The following AGBL4 variants were observed in gnomAD, a reference collection of about 807,000 sequenced individuals.
AGBL4 encodes cytosolic carboxypeptidase 6.
A neutral mutation model predicts 66.4 loss-of-function variants in AGBL4; 58 were observed. The ratio of observed to expected loss-of-function variants is 0.87; its 90% CI spans 0.71 to 1.09. The LOEUF (loss-of-function observed/expected upper bound fraction) is 1.09, where lower values mean the gene tolerates loss of function less well. Among genes scored for constraint, AGBL4 ranks in the 50% least tolerant of loss-of-function variants. The pLI, the probability that AGBL4 is intolerant of heterozygous loss-of-function variation, is 0.00. For synonymous variants in AGBL4, 234 were observed against 222.9 expected (o/e 1.05, Z -0.44); for missense variants, 579 against 631.0 (o/e 0.92, Z 0.88).
intron 4 of AGBL4, among the ~76,000 whole-genome samples, chr1:49,091,123 T>C (rs1352336903): frequency 6.6e-6 from 1 of 151,992 alleles, no homozygotes; most frequent in South Asian, 2.1e-4. Context: ...AAACTTAAAC[T>C]ATAAAAATTC....
At chr1:48,696,897 G>A (rs754698886) in intron 6 of AGBL4, among the ~76,000 whole-genome samples, 7 of 152,036 alleles carry the variant, frequency 4.6e-5, no homozygotes, top group East Asian at 3.9e-4. Flanking sequence ...TTCCTTCTCC[G>A]TGGCCCCTCC....
At chr1:49,260,860 G>C (rs895254271) in intron 3 of AGBL4, among the ~76,000 whole-genome samples, 5 of 151,318 alleles carry the variant, frequency 3.3e-5, no homozygotes, top group Admixed American at 2.0e-4. Context: ...AACCAAAAAA[G>C]AGAATTTTAG....
intron 6 of AGBL4, among the ~76,000 whole-genome samples, chr1:48,763,100 AAAC>A (rs138330596): frequency 0.7 from 106,203 of 151,050 alleles, 37,899 homozygotes; most frequent in African/African-American, 0.78. Context: ...GATTTAATTA[AAAC>A]AACAACAACA....
chr1:49,829,895 G>T (rs570290741), intron 2 of AGBL4, among the ~76,000 whole-genome samples: 2 of 152,050 alleles, frequency 1.3e-5, no homozygotes, highest in Non-Finnish European at 2.9e-5. Context: ...GTGTTAGTTT[G>T]CTGAGAATGA....
intron 4 of AGBL4, among the ~76,000 whole-genome samples, chr1:49,142,448 T>C (rs961907045): frequency 5.9e-5 from 9 of 152,202 alleles, no homozygotes; most frequent in African/African-American, 2.2e-4. Flanking sequence ...GGATAACTTA[T>C]TACAAATCTT....
intron 4 of AGBL4, among the ~76,000 whole-genome samples, chr1:49,074,358 G>A (rs528816621): frequency 3.3e-5 from 5 of 152,302 alleles, no homozygotes; most frequent in Admixed American, 6.5e-5. Flanking sequence ...CGGGTGAGGC[G>A]ACACCCTGCC....
At chr1:49,383,701 C>T (rs1269071232) in intron 3 of AGBL4, among the ~76,000 whole-genome samples, 1 of 151,914 alleles carries the variant, frequency 6.6e-6, no homozygotes, top group South Asian at 2.1e-4. Context: ...TCCTAGAAAA[C>T]ATACAGGAAA....
At chr1:49,280,497 T>C (rs1039236218) in intron 3 of AGBL4, among the ~76,000 whole-genome samples, 1 of 152,086 alleles carries the variant, frequency 6.6e-6, no homozygotes, top group Non-Finnish European at 1.5e-5. Context: ...TGGGTCCCAC[T>C]AGAAATAAAC....
At chr1:49,717,618 C>A (rs1017602949) in intron 2 of AGBL4, among the ~76,000 whole-genome samples, 13 of 152,096 alleles carry the variant, frequency 8.5e-5, no homozygotes, top group African/African-American at 3.1e-4. Flanking sequence ...CTCACTACAT[C>A]GAAGTATATT....
At chr1:49,400,610 T>G (rs1234256664) in intron 3 of AGBL4, among the ~76,000 whole-genome samples, 11 of 152,336 alleles carry the variant, frequency 7.2e-5, no homozygotes, top group African/African-American at 2.6e-4. Flanking sequence ...ACTAGGTGTT[T>G]AATTTTATTT....
chr1:49,537,493 A>G (rs567721990), intron 3 of AGBL4, among the ~76,000 whole-genome samples: 3 of 152,356 alleles, frequency 2.0e-5, no homozygotes, highest in East Asian at 3.9e-4. Flanking sequence ...AAGGGACACG[A>G]ATATTTTATG....
chr1:49,329,561 G>C (rs1416412880), intron 3 of AGBL4, among the ~76,000 whole-genome samples: 2 of 152,016 alleles, frequency 1.3e-5, no homozygotes, highest in Non-Finnish European at 2.9e-5. Context: ...AGCTACTCAG[G>C]AGGCTGAGGC....
chr1:48,978,711 C>G (rs192523967), intron 5 of AGBL4, among the ~76,000 whole-genome samples: 19 of 152,224 alleles, frequency 1.2e-4, no homozygotes, highest in South Asian at 4.1e-4. Flanking sequence ...ATACTAAGCC[C>G]TTTTGTTGAA....
intron 5 of AGBL4, among the ~76,000 whole-genome samples, chr1:48,928,823 AT>A (rs1223815159): frequency 6.6e-6 from 1 of 152,198 alleles, no homozygotes; most frequent in Non-Finnish European, 1.5e-5. Context: ...AAATGAAATA[AT>A]GTTGTCTGGT....
intron 3 of AGBL4, among the ~76,000 whole-genome samples, chr1:49,685,335 C>T (rs550826344): frequency 4.3e-4 from 65 of 152,194 alleles, no homozygotes; most frequent in Non-Finnish European, 7.5e-4. Context: ...CATGTCTTTG[C>T]CATTGTGAAC....
chr1:49,801,105 C>G (rs1487776922), intron 2 of AGBL4, among the ~76,000 whole-genome samples: 2 of 152,160 alleles, frequency 1.3e-5, no homozygotes, highest in African/African-American at 4.8e-5. Flanking sequence ...GAAAAAAATG[C>G]TCATCATCAC....
At chr1:49,079,859 T>A (rs977452064) in intron 4 of AGBL4, among the ~76,000 whole-genome samples, 1 of 152,206 alleles carries the variant, frequency 6.6e-6, no homozygotes, top group Non-Finnish European at 1.5e-5. Flanking sequence ...CTTCAGTACC[T>A]GAAAAGTCAC....
intron 6 of AGBL4, among the ~76,000 whole-genome samples, chr1:48,752,036 T>C (rs1008783194): frequency 6.6e-6 from 1 of 152,216 alleles, no homozygotes; most frequent in African/African-American, 2.4e-5. Flanking sequence ...GGTCTCTTCC[T>C]GCCATCTGAA....
intron 3 of AGBL4, among the ~76,000 whole-genome samples, chr1:49,433,092 G>T (rs1645822596): frequency 6.6e-6 from 1 of 152,152 alleles, no homozygotes; most frequent in African/African-American, 2.4e-5. Context: ...TGGAAGCTCT[G>T]TGCCTTTTCT....
Sources: gnomAD v4.1 joint callset for allele counts (sites outside exome capture counted in the v4.1 genomes callset) on GRCh38, gnomAD v4.1.1 for gene constraint, MANE v1.5 for transcripts, NCBI Gene and HGNC (gene_info 2026-07-23, HGNC 2026-07-21) for gene names.